Variants in ASXL2 observed in about 807,000 individuals in gnomAD.
The protein encoded by ASXL2 is putative Polycomb group protein ASXL2.
A neutral mutation model predicts 122.0 loss-of-function variants in ASXL2; 23 were observed. The observed-to-expected ratio is 0.19, with a 90% CI of 0.14 to 0.27. The LOEUF (loss-of-function observed/expected upper bound fraction) is 0.27, where lower values mean the gene tolerates loss of function less well. Among genes scored for constraint, ASXL2 ranks in the 10% least tolerant of loss-of-function variants. The pLI is 1.00. For missense variants in ASXL2, 1,518 were observed against 1,713.8 expected, an observed-to-expected ratio of 0.89 and a Z score of 2.02; for synonymous variants, 650 against 637.0, an observed-to-expected ratio of 1.02 and a Z score of -0.31.
chr2:25,757,960 G>C (rs2088169478), intron 9 of ASXL2, among the ~76,000 whole-genome samples: 1 of 149,702 alleles, frequency 6.7e-6, no homozygotes, highest in Admixed American at 6.7e-5. Context: ...CAATCTCCAA[G>C]AGGTTCTCTT....
chr2:25,757,578 G>A lies in ASXL2; in HGVS notation c.940-1464C>T, dbSNP rs369289956. 4.1e-5 allele frequency among the ~76,000 whole-genome samples: 6 copies of A among 146,858 alleles called. No homozygotes were observed. The East Asian group carries it at 1.2e-3, about 30-fold the overall frequency. On this transcript the variant is annotated intron_variant, in intron 9 of 12. Coordinates refer to ENST00000435504, the MANE Select transcript of ASXL2 (RefSeq NM_018263.6). ...TAATCCCAGCCACTCAGGAGGCTGA[G>A]GCAGGAGAATTCCTTGAACCCAGGA...
Position 25,856,919 on chromosome 2 carries a change from G to C in ASXL2, c.58-11356C>G, listed in dbSNP as rs1039332448. On this transcript the variant is annotated intron_variant, in intron 1 of 12. Coordinates refer to ENST00000435504, the MANE Select transcript of ASXL2 (RefSeq NM_018263.6). The stretch of plus-strand genomic sequence containing the variant: ...TGGAGACGAGTCTAGGTGGCAGCTG[G>C]GACAGTGTCCTATACCTCATTTTTA... The C allele has an allele frequency of 2.9e-5, 19 of 649,230 alleles. No homozygotes were observed. In the African/African-American group the frequency reaches 3.3e-4, roughly 11 times the overall value. 40.2% of individuals were successfully genotyped at this position (649,230 alleles called of 1,614,324 possible). A position where few individuals can be genotyped will look rare whatever the true frequency, so the allele number is the denominator to read the frequency against.
At chr2:25,824,614 A>T (rs2089354079) in intron 3 of ASXL2, among the ~76,000 whole-genome samples, 1 of 152,172 alleles carries the variant, frequency 6.6e-6, no homozygotes, top group Admixed American at 6.5e-5. Flanking sequence ...CAAAATCAGA[A>T]ACTCAGGTTT....
chr2:25,785,110 T>C (rs2088716324), intron 5 of ASXL2, among the ~76,000 whole-genome samples: 3 of 152,258 alleles, frequency 2.0e-5, no homozygotes. Context: ...AGACTTGTGA[T>C]CTGTATGTTT....
chr2:25,784,437 C>T (rs1383344051), intron 5 of ASXL2, among the ~76,000 whole-genome samples: 2 of 152,270 alleles, frequency 1.3e-5, no homozygotes, highest in African/African-American at 4.8e-5. Flanking sequence ...ATACTGAATA[C>T]ATTGTATAAT....
chr2:25,857,450 T>G (rs974981644), intron 1 of ASXL2, among the ~76,000 whole-genome samples: 12 of 152,148 alleles, frequency 7.9e-5, no homozygotes, highest in African/African-American at 2.9e-4. Flanking sequence ...GAATCAATAT[T>G]TTTCTAATAA....
Position 25,749,969 on chromosome 2 carries a change from C to T in ASXL2, c.1587G>A (p.Lys529=). ...CTATTGGTTTTTCAACCCCAGGACT[C>T]TTGGGTTTGCTTGGCGATGTAACTA... is the stretch of plus-strand genomic sequence containing the variant. ...ESLVTSPSKP[K]SPGVEKPIVK... Residue 529 remains lysine (K), a synonymous_variant, in exon 12 of 13, where the codon AAG becomes AAA. Coordinates refer to ENST00000435504, the MANE Select transcript of ASXL2 (RefSeq NM_018263.6). 6.2e-7 allele frequency: 1 copy of T among 1,613,932 alleles called. No homozygotes were observed. Among genetic ancestry groups the T allele is most frequent in the Non-Finnish European group, 8.5e-7 (1 of 1,179,878 alleles).
Position 25,738,100 on chromosome 2 carries a change from C to T in ASXL2, c.*3929G>A, listed in dbSNP as rs2087766076. On this transcript the variant is annotated 3_prime_UTR_variant, in exon 13 of 13. Transcript: ENST00000435504. ...TAACTTCCTTTGAAATAATTTGTGC[C>T]TTAACAGTGAGGTCCTACATCAAAC... The T allele has an allele frequency of 6.6e-6, 1 of 152,038 alleles. No homozygotes were observed. Among genetic ancestry groups the T allele is most frequent in the Non-Finnish European group, 1.5e-5 (1 of 68,012 alleles). 9.4% of individuals were successfully genotyped at this position (152,038 alleles called of 1,614,324 possible).
chr2:25,873,960 T>A (rs945471602), intron 1 of ASXL2, among the ~76,000 whole-genome samples: 9 of 152,340 alleles, frequency 5.9e-5, no homozygotes, highest in African/African-American at 2.2e-4. Flanking sequence ...TTCAAAGTTC[T>A]GCTTTGCAAA....
intron 2 of ASXL2, among the ~76,000 whole-genome samples, chr2:25,841,513 C>T (rs1170082553): frequency 6.6e-6 from 1 of 151,780 alleles, no homozygotes; most frequent in African/African-American, 2.4e-5. Context: ...GTTTTTTTAC[C>T]ACCACAAACA....
At chr2:25,762,515 A>T (rs929094665) in intron 8 of ASXL2, among the ~76,000 whole-genome samples, 1 of 151,770 alleles carries the variant, frequency 6.6e-6, no homozygotes, top group African/African-American at 2.4e-5. Context: ...AAAGTAAAAA[A>T]TTAGCCGGGC....
intron 2 of ASXL2, among the ~76,000 whole-genome samples, chr2:25,841,332 A>C (rs2089575844): frequency 6.6e-6 from 1 of 152,198 alleles, no homozygotes; most frequent in African/African-American, 2.4e-5. Flanking sequence ...CACGGCAGCG[A>C]GAGAATAATC....
intron 5 of ASXL2, among the ~76,000 whole-genome samples, chr2:25,781,966 C>CTTTTT (rs35973982): frequency 2.5e-5 from 2 of 81,074 alleles, no homozygotes; most frequent in East Asian, 2.9e-4. Flanking sequence ...GGGCTTTTTT[C>CTTTTT]TTTTTTTTTT....
chr2:25,799,439 T>C lies in ASXL2; in HGVS notation c.349A>G (p.Ser117Gly). 2 of 1,613,958 alleles carry C rather than the reference T, an allele frequency of 1.2e-6. No homozygotes were observed. The highest frequency in any genetic ancestry group is 1.7e-6 in the Non-Finnish European group (2 of 1,179,818). The change falls in exon 5 of 13, where the codon AGC becomes GGC. Residue 117 changes from serine to glycine, a missense_variant. This residue lies in a region of ASXL2 where 198 missense variants were observed against 209.0 expected (regional missense o/e 0.95). Coordinates refer to ENST00000435504, the MANE Select transcript of ASXL2 (RefSeq NM_018263.6). ...DSQSSENSSS[S>G]SDGGSNKEGK... ...TCCTTGTTGCTGCCACCATCACTGC[T>C]GCTGCTGCTGTTCTCAGAACTCTGG...
intron 1 of ASXL2, among the ~76,000 whole-genome samples, chr2:25,851,458 CT>C (rs2089715242): frequency 6.6e-6 from 1 of 152,210 alleles, no homozygotes; most frequent in Non-Finnish European, 1.5e-5. Flanking sequence ...GTCACATTTA[CT>C]ACAAACCCTT....
intron 2 of ASXL2, among the ~76,000 whole-genome samples, chr2:25,844,942 T>C (rs1372159874): frequency 1.3e-5 from 2 of 152,204 alleles, no homozygotes; most frequent in African/African-American, 4.8e-5. Flanking sequence ...TGGCCTGCTA[T>C]TGTAATATAA....
intron 1 of ASXL2, among the ~76,000 whole-genome samples, chr2:25,851,034 A>C (rs900268775): frequency 2.6e-5 from 4 of 151,928 alleles, no homozygotes; most frequent in Non-Finnish European, 5.9e-5. Context: ...AGCTACTCCG[A>C]AGGCTGAGGC....
At chr2:25,868,553 A>G (rs1001232604) in intron 1 of ASXL2, among the ~76,000 whole-genome samples, 17 of 152,214 alleles carry the variant, frequency 1.1e-4, no homozygotes, top group African/African-American at 4.1e-4. Flanking sequence ...GCAAGGTCAG[A>G]CTTAAGAATT....
intron 5 of ASXL2, among the ~76,000 whole-genome samples, chr2:25,795,000 T>C (rs2088891397): frequency 6.6e-6 from 1 of 152,312 alleles, no homozygotes; most frequent in East Asian, 1.9e-4. Flanking sequence ...CTATATCACA[T>C]GTATGACCCA....
Sources: allele counts gnomAD v4.1 joint callset (sites outside exome capture counted in the v4.1 genomes callset), GRCh38; gene constraint gnomAD v4.1.1; regional missense constraint gnomAD v4.1.1; transcripts MANE v1.5; gene names NCBI Gene and HGNC (gene_info 2026-07-23, HGNC 2026-07-21).